PTPRD: variants seen among roughly 807,000 people sequenced by gnomAD.
The protein encoded by PTPRD is receptor-type tyrosine-protein phosphatase delta.
A neutral mutation model predicts 214.5 loss-of-function variants in PTPRD; 34 were observed. The ratio of observed to expected loss-of-function variants is 0.16; its 90% CI spans 0.12 to 0.21. The LOEUF (loss-of-function observed/expected upper bound fraction) is 0.21, where lower values mean the gene tolerates loss of function less well. Among genes scored for constraint, PTPRD ranks in the 10% least tolerant of loss-of-function variants. The pLI is 1.00. For missense variants in PTPRD, 2,545 were observed against 2,398.7 expected (o/e 1.06, Z -1.27); for synonymous variants, 1,128 against 845.7 (o/e 1.33, Z -5.79).
chr9:8,912,316 G>A (rs185583127), intron 11 of PTPRD, among the ~76,000 whole-genome samples: 87 of 152,210 alleles, frequency 5.7e-4, no homozygotes, highest in Admixed American at 1.3e-3. Flanking sequence ...GAGTAATAAC[G>A]AGCAATGAAA....
At chr9:8,492,557 T>G (rs1320520720) in intron 27 of PTPRD, among the ~76,000 whole-genome samples, 7 of 150,170 alleles carry the variant, frequency 4.7e-5, no homozygotes, top group African/African-American at 1.7e-4. Context: ...CTTGTTCTGT[T>G]TTGTTGATTG....
At chr9:10,610,146 C>T (rs1020135704) in intron 2 of PTPRD, among the ~76,000 whole-genome samples, 10 of 152,096 alleles carry the variant, frequency 6.6e-5, no homozygotes, top group Non-Finnish European at 1.3e-4. Flanking sequence ...CTGTACAGGA[C>T]AGAGAGCTGG....
intron 33 of PTPRD, 86 bp from the exon 34 acceptor site, chr9:8,449,923 C>T: frequency 7.7e-7 from 1 of 1,302,000 alleles, no homozygotes; most frequent in Non-Finnish European, 1.1e-6. Flanking sequence ...TGCACTCCCC[C>T]CACCTCCCAA....
chr9:10,249,177 A>T (rs535238878), intron 3 of PTPRD, among the ~76,000 whole-genome samples: 108 of 152,224 alleles, frequency 7.1e-4, no homozygotes, highest in Non-Finnish European at 1.3e-3. Flanking sequence ...CCCATCCTAT[A>T]CTTGCACTGG....
chr9:8,482,159 C>T (rs576905769), intron 30 of PTPRD, among the ~76,000 whole-genome samples: 9 of 152,140 alleles, frequency 5.9e-5, no homozygotes, highest in African/African-American at 4.8e-5. Flanking sequence ...ATACACACAA[C>T]GTTAAACTCA....
chr9:10,016,953 T>C (rs1468634893), intron 4 of PTPRD, among the ~76,000 whole-genome samples: 2 of 152,116 alleles, frequency 1.3e-5, no homozygotes, highest in Non-Finnish European at 2.9e-5. Context: ...GAGTGAGCCA[T>C]TGTGCCCTCC....
At chr9:10,289,068 G>A (rs943234006) in intron 3 of PTPRD, among the ~76,000 whole-genome samples, 4 of 149,892 alleles carry the variant, frequency 2.7e-5, no homozygotes, top group Non-Finnish European at 4.4e-5. Context: ...TATATTCTCT[G>A]GAAAACCAAA....
At chr9:8,510,758 G>A (rs72694757) in intron 21 of PTPRD, among the ~76,000 whole-genome samples, 11,914 of 152,076 alleles carry the variant, frequency 0.078, 571 homozygotes, top group East Asian at 0.14. Context: ...AGGGCATTTT[G>A]TCATATTTGA....
chr9:8,559,050 A>G (rs1007750292), intron 14 of PTPRD, among the ~76,000 whole-genome samples: 1 of 152,274 alleles, frequency 6.6e-6, no homozygotes, highest in South Asian at 2.1e-4. Flanking sequence ...CTGAAGTTTT[A>G]CTTGTTTCTA....
intron 35 of PTPRD, among the ~76,000 whole-genome samples, chr9:8,423,231 C>G (rs970660322): frequency 6.6e-6 from 1 of 152,134 alleles, no homozygotes; most frequent in African/African-American, 2.4e-5. Flanking sequence ...CTCGTCAATC[C>G]GGCTCAATAA....
chr9:10,079,027 C>T (rs898339871), intron 3 of PTPRD, among the ~76,000 whole-genome samples: 2 of 151,854 alleles, frequency 1.3e-5, no homozygotes, highest in Non-Finnish European at 2.9e-5. Context: ...GAAATTTAAA[C>T]AATTATGTGC....
chr9:8,813,895 C>A (rs541040220), intron 11 of PTPRD, among the ~76,000 whole-genome samples: 14 of 152,330 alleles, frequency 9.2e-5, no homozygotes, highest in African/African-American at 3.1e-4. Flanking sequence ...TGGTCCTGGT[C>A]CACCATTTTC....
chr9:8,353,112 AAAAT>A (rs1358862407), intron 39 of PTPRD, among the ~76,000 whole-genome samples: 6 of 152,142 alleles, frequency 3.9e-5, no homozygotes, highest in African/African-American at 1.4e-4. Context: ...TCCGTCTCAA[AAAAT>A]AAATAAATAA....
intron 2 of PTPRD, among the ~76,000 whole-genome samples, chr9:10,349,854 G>T (rs966342413): frequency 1.1e-4 from 17 of 152,088 alleles, no homozygotes; most frequent in South Asian, 4.1e-4. Context: ...TAGAGACAGG[G>T]TTTCACCATA....
intron 10 of PTPRD, among the ~76,000 whole-genome samples, chr9:9,131,389 T>C (rs2099842372): frequency 6.6e-6 from 1 of 152,212 alleles, no homozygotes; most frequent in Non-Finnish European, 1.5e-5. Flanking sequence ...TATACAAATT[T>C]GTATGAATAA....
intron 2 of PTPRD, among the ~76,000 whole-genome samples, chr9:10,489,159 C>G (rs2099151894): frequency 6.6e-6 from 1 of 152,066 alleles, no homozygotes; most frequent in South Asian, 2.1e-4. Context: ...CCAGGAACTC[C>G]TCAATTATCA....
intron 14 of PTPRD, among the ~76,000 whole-genome samples, chr9:8,540,267 GACAA>G (rs889799120): frequency 3.0e-4 from 45 of 152,024 alleles, no homozygotes; most frequent in African/African-American, 1.1e-3. Flanking sequence ...TCCCAATTGT[GACAA>G]ACATTCTTAA....
At chr9:8,995,733 G>A (rs2099394111) in intron 11 of PTPRD, among the ~76,000 whole-genome samples, 1 of 151,386 alleles carries the variant, frequency 6.6e-6, no homozygotes, top group Non-Finnish European at 1.5e-5. Context: ...GAAGTTTCAG[G>A]TTTCACAGTG....
rs376454074 is a variant in PTPRD, at chr9:10,394,667, T to A, written c.-599-53650A>T. ...ACTGAATGTCATGTGATTAATAACC[T>A]TCATAAAAATAGCCTTTTGTGACAT... On this transcript the variant is annotated intron_variant, in intron 2 of 45. Transcript: ENST00000381196. Among the ~76,000 whole-genome samples the A allele has an allele frequency of 1.8e-4, 28 of 152,036 alleles. 1 individual carries two copies. The highest frequency in any genetic ancestry group is 5.8e-4 in the African/African-American group (24 of 41,542).
Sources: allele counts gnomAD v4.1 joint callset (sites outside exome capture counted in the v4.1 genomes callset), GRCh38; gene constraint gnomAD v4.1.1; transcripts MANE v1.5; gene names NCBI Gene and HGNC (gene_info 2026-07-23, HGNC 2026-07-21).